SNTG1: variants seen among roughly 807,000 people sequenced by gnomAD.
SNTG1 encodes syntrophin gamma 1.
SNTG1 carries 39 observed loss-of-function variants against 74.7 expected under a neutral mutation model. The ratio of observed to expected loss-of-function variants is 0.52; its 90% CI spans 0.40 to 0.68. The LOEUF (loss-of-function observed/expected upper bound fraction) is 0.68, where lower values mean the gene tolerates loss of function less well. Among genes scored for constraint, SNTG1 ranks in the 30% least tolerant of loss-of-function variants. The pLI, the probability that SNTG1 is intolerant of heterozygous loss-of-function variation, is 0.00. For synonymous variants in SNTG1, 254 were observed against 217.1 expected, an observed-to-expected ratio of 1.17 and a Z score of -1.49; for missense variants, 685 against 609.5, an observed-to-expected ratio of 1.12 and a Z score of -1.30.
chr8:50,512,385 T>C (rs1179098674), intron 9 of SNTG1, among the ~76,000 whole-genome samples: 1 of 151,988 alleles, frequency 6.6e-6, no homozygotes, highest in Non-Finnish European at 1.5e-5. Context: ...AATCTGACAA[T>C]TATGTGTCTT....
chr8:50,354,245 T>G (rs1266300620), intron 2 of SNTG1, among the ~76,000 whole-genome samples: 1 of 152,212 alleles, frequency 6.6e-6, no homozygotes, highest in African/African-American at 2.4e-5. Flanking sequence ...ATTCTTTATG[T>G]CTGGAGCAAA....
intron 11 of SNTG1, among the ~76,000 whole-genome samples, chr8:50,539,212 G>A (rs559789397): frequency 6.6e-6 from 1 of 152,154 alleles, no homozygotes; most frequent in Non-Finnish European, 1.5e-5. Flanking sequence ...CCTGGATATT[G>A]ATATGACAAG....
At chr8:50,262,429 G>T (rs1331652385) in intron 2 of SNTG1, among the ~76,000 whole-genome samples, 1 of 152,106 alleles carries the variant, frequency 6.6e-6, no homozygotes, top group African/African-American at 2.4e-5. Context: ...TGTTTGTTTT[G>T]AGACGGAGTG....
chr8:50,660,283 AAAG>A (rs1192896653), intron 15 of SNTG1, among the ~76,000 whole-genome samples: 13 of 150,654 alleles, frequency 8.6e-5, no homozygotes, highest in African/African-American at 3.0e-4. Context: ...AGAAAGAAGG[AAAG>A]AAGAAAGAAA....
chr8:50,781,977 T>A (rs2095660986), intron 18 of SNTG1, among the ~76,000 whole-genome samples: 1 of 152,230 alleles, frequency 6.6e-6, no homozygotes, highest in Admixed American at 6.5e-5. Flanking sequence ...TTAGTTTGGC[T>A]GGATATGAAA....
At chr8:50,558,788 T>A (rs1288722883) in intron 12 of SNTG1, among the ~76,000 whole-genome samples, 2 of 152,064 alleles carry the variant, frequency 1.3e-5, no homozygotes, top group South Asian at 2.1e-4. Context: ...AAAGTCCTGA[T>A]AAAATAAATT....
intron 2 of SNTG1, among the ~76,000 whole-genome samples, chr8:50,234,857 C>G (rs538895545): frequency 9.9e-5 from 15 of 151,758 alleles, no homozygotes; most frequent in African/African-American, 3.6e-4. Flanking sequence ...AATCTTTTTG[C>G]TAGAATAAGA....
chr8:50,537,904 C>T (rs924077881), intron 11 of SNTG1, among the ~76,000 whole-genome samples: 3 of 152,110 alleles, frequency 2.0e-5, no homozygotes, highest in Admixed American at 6.6e-5. Context: ...AGATTTGTCC[C>T]ATAGGCTGTA....
At chr8:50,570,591 G>GTTGTTGTTATTGTTA (rs137977278) in intron 12 of SNTG1, among the ~76,000 whole-genome samples, 2 of 130,162 alleles carry the variant, frequency 1.5e-5, no homozygotes, top group Non-Finnish European at 3.2e-5. Flanking sequence ...TATTATTGTT[G>GTTGTTGTTATTGTTA]TTATTATTAT....
chr8:50,606,892 A>G (rs1232996248), intron 13 of SNTG1, among the ~76,000 whole-genome samples: 1 of 151,870 alleles, frequency 6.6e-6, no homozygotes, highest in African/African-American at 2.4e-5. Flanking sequence ...ATTGTTAGAT[A>G]TGAAACCAAG....
intron 17 of SNTG1, among the ~76,000 whole-genome samples, chr8:50,750,804 A>T (rs899884408): frequency 1.3e-5 from 2 of 152,018 alleles, no homozygotes; most frequent in African/African-American, 4.8e-5. Context: ...TTTTATATGC[A>T]TTGGGGAACC....
chr8:50,354,437 G>A (rs184936821), intron 2 of SNTG1, among the ~76,000 whole-genome samples: 8 of 151,960 alleles, frequency 5.3e-5, no homozygotes, highest in Non-Finnish European at 1.2e-4. Context: ...GCCTTTTTTG[G>A]TATGGGATAA....
intron 4 of SNTG1, among the ~76,000 whole-genome samples, chr8:50,427,765 GA>G (rs1050482640): frequency 6.6e-5 from 10 of 151,640 alleles, no homozygotes; most frequent in African/African-American, 2.4e-4. Flanking sequence ...AATATTCTCA[GA>G]ACAAATTTAC....
intron 15 of SNTG1, among the ~76,000 whole-genome samples, chr8:50,698,709 A>G (rs141424813): frequency 1.3e-5 from 2 of 152,266 alleles, no homozygotes; most frequent in African/African-American, 4.8e-5. Flanking sequence ...GTTCTGTTGT[A>G]GGTTCCAAGG....
intron 15 of SNTG1, among the ~76,000 whole-genome samples, chr8:50,673,528 T>C (rs575901132): frequency 1.6e-3 from 243 of 152,298 alleles, no homozygotes; most frequent in African/African-American, 5.6e-3. Context: ...ATGGATTTTG[T>C]ATGTTGAGAC....
At position 50,387,091 on chromosome 8, in the gene SNTG1, C is replaced by G. The variant is rs989038942; in HGVS notation, c.-27-7121C>G. Among the ~76,000 whole-genome samples the G allele has an allele frequency of 2.0e-5, 3 of 152,130 alleles. 1 individual carries two copies. Among genetic ancestry groups the G allele is most frequent in the African/African-American group, 7.2e-5 (3 of 41,438 alleles). ...CTTCTAGGGACACATGATCAACTTG[C>G]CAACACCATAGGCCTCTCCGAGTTA... On this transcript the variant is annotated intron_variant, in intron 2 of 18. Transcript: ENST00000642720.
intron 15 of SNTG1, among the ~76,000 whole-genome samples, chr8:50,677,752 T>C (rs2095314889): frequency 6.6e-6 from 1 of 151,926 alleles, no homozygotes; most frequent in African/African-American, 2.4e-5. Flanking sequence ...CACTAAGAAA[T>C]ATTATGGAAA....
In SNTG1 at chr8:50,252,716, A is replaced by T. The variant is rs574724390; in HGVS notation, c.-28+80081A>T. 4.6e-5 allele frequency among the ~76,000 whole-genome samples: 7 copies of T among 152,224 alleles called. No homozygotes were observed. The South Asian group carries it at 1.5e-3, about 32-fold the overall frequency. ...TTTTAAACAAACGGATCTTGAGTGA[A>T]GTCATTACCACTCATTACTGTGGGG... is the stretch of plus-strand genomic sequence containing the variant. On this transcript the variant is annotated intron_variant, in intron 2 of 18. Coordinates refer to ENST00000642720, the MANE Select transcript of SNTG1 (RefSeq NM_018967.5).
intron 2 of SNTG1, among the ~76,000 whole-genome samples, chr8:50,382,428 G>A (rs894674287): frequency 6.6e-6 from 1 of 151,888 alleles, no homozygotes; most frequent in Non-Finnish European, 1.5e-5. Flanking sequence ...AGAGTTATTT[G>A]GATACAAGAG....
Sources: gnomAD v4.1 joint callset for allele counts (sites outside exome capture counted in the v4.1 genomes callset) on GRCh38, gnomAD v4.1.1 for gene constraint, MANE v1.5 for transcripts, NCBI Gene and HGNC (gene_info 2026-07-23, HGNC 2026-07-21) for gene names.